Variants in ZFP3 observed in about 807,000 individuals in gnomAD.
ZFP3 encodes zinc finger protein 3 homolog.
In ZFP3, 18 loss-of-function variants were observed where a neutral mutation model predicts 36.7. The observed-to-expected ratio is 0.49, with a 90% CI of 0.34 to 0.73. The LOEUF (loss-of-function observed/expected upper bound fraction) is 0.73, where lower values mean the gene tolerates loss of function less well. Among genes scored for constraint, ZFP3 ranks in the 30% least tolerant of loss-of-function variants. The pLI is 0.01. For missense variants in ZFP3, 495 were observed against 599.0 expected, an observed-to-expected ratio of 0.83 and a Z score of 1.81; for synonymous variants, 218 against 199.0, an observed-to-expected ratio of 1.10 and a Z score of -0.81.
Position 5,091,993 on chromosome 17 carries a change from T to C in ZFP3, c.489T>C (p.His163=). 2 of 1,614,226 alleles carry C rather than the reference T, an allele frequency of 1.2e-6. No homozygotes were observed. Among genetic ancestry groups the C allele is most frequent in the Non-Finnish European group, 1.7e-6 (2 of 1,180,028 alleles). The change falls in exon 2 of 2, where the codon CAT becomes CAC. Residue 163 remains histidine (H), a synonymous_variant. Transcript: ENST00000318833. Reference sequence around the variant, plus strand: ...ATCTCATCCAGCATATGAGAGTTCATAGTGGAGAAAAACCCTTTGAATGTA... The same window carrying C: ...ATCTCATCCAGCATATGAGAGTTCACAGTGGAGAAAAACCCTTTGAATGTA... ...NSHLIQHMRV[H]SGEKPFECKE...
In ZFP3 at chr17:5,091,746, C is replaced by T; in HGVS notation, c.242C>T (p.Ser81Leu). ...SGLMIFKKSP[S>L]SEKDRENNES... ...TTGATGATCTTTAAGAAATCACCCTCAAGTGAGAAAGACCGGGAGAATAAT... is the reference window on the plus strand; with the variant it reads ...TTGATGATCTTTAAGAAATCACCCTTAAGTGAGAAAGACCGGGAGAATAAT... Residue 81 changes from serine to leucine, a missense_variant, in exon 2 of 2, where the codon TCA (serine) becomes TTA (leucine). Coordinates refer to ENST00000318833, the MANE Select transcript of ZFP3 (RefSeq NM_153018.3). 1.9e-6 allele frequency: 3 copies of T among 1,614,182 alleles called. No homozygotes were observed. The highest frequency in any genetic ancestry group is 2.5e-6 in the Non-Finnish European group (3 of 1,180,038).
Position 5,093,311 on chromosome 17 carries a change from A to C in ZFP3, c.*298A>C. 1 of 309,186 alleles carries C rather than the reference A, an allele frequency of 3.2e-6. No individual in the cohort carries two copies. The highest frequency in any genetic ancestry group is 1.1e-4 in the South Asian group (1 of 9,428). The allele number at this position is 309,186 out of a possible 1,614,324, so 19.2% of individuals were successfully genotyped here. ...TCCTGCCTCAGCCTTCCAAATAGCT[A>C]GGACTGCAGGCACTAATGAGGCACT... On this transcript the variant is annotated 3_prime_UTR_variant, in exon 2 of 2. Coordinates refer to ENST00000318833, the MANE Select transcript of ZFP3 (RefSeq NM_153018.3).
intron 1 of ZFP3, among the ~76,000 whole-genome samples, chr17:5,089,609 C>T (rs1195983849): frequency 3.3e-5 from 5 of 152,106 alleles, no homozygotes; most frequent in Non-Finnish European, 7.4e-5. Flanking sequence ...ACATTTTTGC[C>T]ACAACTAAAA....
rs1327842561 is a variant in ZFP3 at position 5,096,363 on chromosome 17, C to T, written c.*3350C>T. The T allele has an allele frequency of 6.0e-6, 1 of 165,914 alleles. No homozygotes were observed. Among genetic ancestry groups the T allele is most frequent in the Non-Finnish European group, 1.5e-5 (1 of 68,092 alleles). The allele number at this position is 165,914 out of a possible 1,614,324, so 10.3% of individuals were successfully genotyped here. On this transcript the variant is annotated 3_prime_UTR_variant, in exon 2 of 2. Coordinates refer to ENST00000318833, the MANE Select transcript of ZFP3 (RefSeq NM_153018.3). ...CTTAGGTAAATAAAATATTTCTTTA[C>T]TATTTTATTGATACAATGCCTTTGT...
chr17:5,083,846 ATTTTC>A (rs71149521), intron 1 of ZFP3, among the ~76,000 whole-genome samples: 158 of 148,790 alleles, frequency 1.1e-3, no homozygotes, highest in East Asian at 5.0e-3. Flanking sequence ...TTCCATGCAG[ATTTTC>A]TTTTCTTTTC....
chr17:5,081,750 T>C (rs933533470), intron 1 of ZFP3, among the ~76,000 whole-genome samples: 15 of 151,522 alleles, frequency 9.9e-5, no homozygotes, highest in African/African-American at 2.9e-4. Context: ...TACAGGTGCC[T>C]GCCACCACGC....
intron 1 of ZFP3, among the ~76,000 whole-genome samples, chr17:5,086,247 G>C (rs1171709161): frequency 1.3e-5 from 2 of 152,180 alleles, no homozygotes; most frequent in African/African-American, 4.8e-5. Flanking sequence ...GGTGTCTGGG[G>C]AGGGGGGCAT....
intron 1 of ZFP3, among the ~76,000 whole-genome samples, chr17:5,079,422 T>G (rs961615502): frequency 1.3e-4 from 20 of 152,112 alleles, no homozygotes; most frequent in Admixed American, 4.6e-4. Flanking sequence ...CCCAGCTACT[T>G]GGGAGGCTGA....
chr17:5,088,669 C>T lies in ZFP3; in HGVS notation c.-8-2828C>T, dbSNP rs192544710. Among the ~76,000 whole-genome samples, 317 of 152,096 alleles carry T rather than the reference C, an allele frequency of 2.1e-3. 2 individuals are homozygous for T. The highest frequency in any genetic ancestry group is 3.6e-3 in the Admixed American group (55 of 15,278). On this transcript the variant is annotated intron_variant, in intron 1 of 1. Coordinates refer to ENST00000318833, the MANE Select transcript of ZFP3 (RefSeq NM_153018.3). ...TTCACCGTGTTAGCCAAGATGGTCT[C>T]GATCTTCTGACCTCGTGATCCACCA...
chr17:5,085,493 T>C (rs1158791030), intron 1 of ZFP3, among the ~76,000 whole-genome samples: 1 of 151,986 alleles, frequency 6.6e-6, no homozygotes, highest in Non-Finnish European at 1.5e-5. Flanking sequence ...ATCAGCCTCC[T>C]GAGTAGCTGG....
intron 1 of ZFP3, among the ~76,000 whole-genome samples, chr17:5,090,520 A>G (rs961202786): frequency 1.3e-5 from 2 of 152,236 alleles, no homozygotes; most frequent in African/African-American, 4.8e-5. Context: ...GCTAAGACAC[A>G]TTAATCTTTT....
chr17:5,089,030 A>G (rs2072136138), intron 1 of ZFP3, among the ~76,000 whole-genome samples: 1 of 152,214 alleles, frequency 6.6e-6, no homozygotes, highest in Non-Finnish European at 1.5e-5. Flanking sequence ...CAGATTGCTT[A>G]CCATCTGAAC....
intron 1 of ZFP3, among the ~76,000 whole-genome samples, chr17:5,079,103 A>G (rs182989792): frequency 2.6e-5 from 4 of 152,364 alleles, no homozygotes; most frequent in African/African-American, 9.6e-5. Context: ...GCCATAAATT[A>G]AATATCACCC....
chr17:5,087,684 G>A (rs572833453), intron 1 of ZFP3, among the ~76,000 whole-genome samples: 3 of 152,268 alleles, frequency 2.0e-5, no homozygotes, highest in African/African-American at 7.2e-5. Context: ...AGAGGTTACT[G>A]GAACCCAGAC....
chr17:5,096,335 C>T lies in ZFP3; in HGVS notation c.*3322C>T, dbSNP rs1180659578. 1 of 166,826 alleles carries T rather than the reference C, an allele frequency of 6.0e-6. No homozygotes were observed. Among genetic ancestry groups the T allele is most frequent in the African/African-American group, 2.4e-5 (1 of 41,452 alleles). 10.3% of individuals were successfully genotyped at this position (166,826 alleles called of 1,614,324 possible). Reference sequence around the variant, plus strand: ...TTCCCTAATTTTAATGGTATACTAACACCTTAGGTAAATAAAATATTTCTT... The same window carrying T: ...TTCCCTAATTTTAATGGTATACTAATACCTTAGGTAAATAAAATATTTCTT... On this transcript the variant is annotated 3_prime_UTR_variant, in exon 2 of 2. Coordinates refer to ENST00000318833, the MANE Select transcript of ZFP3 (RefSeq NM_153018.3).
intron 1 of ZFP3, among the ~76,000 whole-genome samples, chr17:5,085,397 C>A (rs2072115765): frequency 6.6e-6 from 1 of 151,542 alleles, no homozygotes; most frequent in Admixed American, 6.6e-5. Flanking sequence ...GAGACGGAGC[C>A]TTGCTCTGTC....
chr17:5,090,907 G>A (rs1309224963), intron 1 of ZFP3, among the ~76,000 whole-genome samples: 1 of 152,090 alleles, frequency 6.6e-6, no homozygotes, highest in Non-Finnish European at 1.5e-5. Flanking sequence ...GAGCTCAAAT[G>A]ATCCGCCCGC....
chr17:5,095,136 C>A lies in ZFP3; in HGVS notation c.*2123C>A, dbSNP rs1235398381. 6.0e-6 allele frequency: 1 copy of A among 167,092 alleles called. No homozygotes were observed. The highest frequency in any genetic ancestry group is 1.5e-5 in the Non-Finnish European group (1 of 68,126). The allele number at this position is 167,092 out of a possible 1,614,324, so 10.4% of individuals were successfully genotyped here. ...CAAATTTAAATCATGTCCTTGGTAA[C>A]AGAACTGATCACAGCCAAAAAAAAT... On this transcript the variant is annotated 3_prime_UTR_variant, in exon 2 of 2. Coordinates refer to ENST00000318833, the MANE Select transcript of ZFP3 (RefSeq NM_153018.3).
chr17:5,085,396 C>A (rs539897448), intron 1 of ZFP3, among the ~76,000 whole-genome samples: 1 of 145,290 alleles, frequency 6.9e-6, no homozygotes, highest in Non-Finnish European at 1.5e-5. Flanking sequence ...TGAGACGGAG[C>A]CTTGCTCTGT....
Sources: gnomAD v4.1 joint callset for allele counts (sites outside exome capture counted in the v4.1 genomes callset) on GRCh38, gnomAD v4.1.1 for gene constraint, MANE v1.5 for transcripts, NCBI Gene and HGNC (gene_info 2026-07-23, HGNC 2026-07-21) for gene names.